LPXN: variants seen among roughly 807,000 people sequenced by gnomAD.
The protein encoded by LPXN is leupaxin.
Under a neutral mutation model 45.6 loss-of-function variants are expected in LPXN, and 28 were observed. The ratio of observed to expected loss-of-function variants is 0.61; its 90% confidence interval spans 0.45 to 0.84. LPXN has a LOEUF of 0.84. Among genes scored for constraint, LPXN ranks in the 40% least tolerant of loss-of-function variants. The pLI is 0.00. For missense variants in LPXN, 459 were observed against 475.0 expected (o/e 0.97, Z 0.31); for synonymous variants, 166 against 169.9 (o/e 0.98, Z 0.18).
At chr11:58,537,605 C>A (rs1026394792) in intron 7 of LPXN, among the ~76,000 whole-genome samples, 1 of 151,848 alleles carries the variant, frequency 6.6e-6, no homozygotes, top group East Asian at 2.0e-4. Context: ...CACGTGTATA[C>A]CTATGTAACA....
At chr11:58,546,367 G>T (rs1853875866) in intron 7 of LPXN, among the ~76,000 whole-genome samples, 1 of 151,256 alleles carries the variant, frequency 6.6e-6, no homozygotes, top group Non-Finnish European at 1.5e-5. Context: ...AAGATGCAAT[G>T]ATTATTTCTG....
upstream of LPXN, among the ~76,000 whole-genome samples, chr11:58,576,215 CAT>C (rs994214725): frequency 9.2e-5 from 14 of 151,698 alleles, no homozygotes; most frequent in Admixed American, 3.9e-4. Flanking sequence ...GACACAGAGG[CAT>C]AGTCTCCTTC....
At chr11:58,577,852 TCCCAA>T, upstream of LPXN, 1 of 680,684 alleles carries the variant, frequency 1.5e-6, no homozygotes. Context: ...CTCCTTGGTG[TCCCAA>T]CAAGGTCTAG....
chr11:58,577,979 C>A, upstream of LPXN: 1 of 1,548,608 alleles, frequency 6.5e-7, no homozygotes, highest in South Asian at 1.2e-5. Context: ...CAGATTTAGT[C>A]GCTGACCTCT....
intron 7 of LPXN, among the ~76,000 whole-genome samples, chr11:58,534,749 G>A (rs1186341404): frequency 6.6e-6 from 1 of 151,858 alleles, no homozygotes; most frequent in African/African-American, 2.4e-5. Flanking sequence ...TTTTTGAAAT[G>A]ATCAACAAAA....
intron 2 of LPXN, among the ~76,000 whole-genome samples, chr11:58,564,608 G>A (rs1854475045): frequency 6.6e-6 from 1 of 152,142 alleles, no homozygotes. Flanking sequence ...TCTAAAAGAT[G>A]GTTGGCTGGC....
intron 7 of LPXN, among the ~76,000 whole-genome samples, chr11:58,545,194 C>A (rs976962974): frequency 6.6e-6 from 1 of 152,122 alleles, no homozygotes; most frequent in African/African-American, 2.4e-5. Context: ...TTATATAAAG[C>A]CATAAATGAC....
At chr11:58,559,803 G>A (rs895807920) in intron 3 of LPXN, among the ~76,000 whole-genome samples, 4 of 152,146 alleles carry the variant, frequency 2.6e-5, no homozygotes, top group Non-Finnish European at 5.9e-5. Flanking sequence ...TTGAGCCCAG[G>A]AGGTCAAGGC....
chr11:58,540,076 C>T lies in LPXN; in HGVS notation c.742+9710G>A, dbSNP rs529891882. On this transcript the variant is annotated intron_variant, in intron 7 of 8. Transcript: ENST00000395074. ...CCCACCACCTGAAACCTATTCTTGT[C>T]ATCCAGACCCCCGAAAACTGAACCT... Among the ~76,000 whole-genome samples, 30 of 152,166 alleles carry T rather than the reference C, an allele frequency of 2.0e-4. No homozygotes were observed. The East Asian group carries it at 3.7e-3, about 19-fold the overall frequency.
chr11:58,564,516 C>T (rs909563498), intron 2 of LPXN, among the ~76,000 whole-genome samples: 5 of 152,168 alleles, frequency 3.3e-5, no homozygotes, highest in African/African-American at 1.2e-4. Context: ...CAGAGCTAAG[C>T]CCCTTTAACT....
chr11:58,549,823 G>A lies in LPXN; in HGVS notation c.705C>T (p.Phe235=), dbSNP rs150957674. ...AMNQTWHPEH[F]FCSHCGEVFG... ...ACACCTCTCCGCAGTGAGAGCAGAA[G>A]AAGTGCTCTGGGTGCCAGGTCTGGT... The change falls in exon 7 of 9, where the codon TTC becomes TTT. Residue 235 remains phenylalanine, a synonymous_variant. Coordinates refer to ENST00000395074, the MANE Select transcript of LPXN (RefSeq NM_004811.3). The A allele has an allele frequency of 4.3e-6, 7 of 1,614,078 alleles. No homozygotes were observed. The highest frequency in any genetic ancestry group is 1.3e-5 in the African/African-American group (1 of 74,938).
At chr11:58,532,162 G>A (rs1049710048) in intron 7 of LPXN, among the ~76,000 whole-genome samples, 32 of 152,218 alleles carry the variant, frequency 2.1e-4, no homozygotes, top group African/African-American at 7.5e-4. Context: ...TCGAATTCTT[G>A]CCAGGCCTCA....
rs771841878 is a variant in LPXN at position 58,528,132 on chromosome 11, G to A, written c.802C>T (p.Pro268Ser). Residue 268 changes from proline (P) to serine (S), a missense_variant, in exon 8 of 9, where the codon CCC (proline) becomes TCC (serine). By Grantham distance (74) the Pro-to-Ser change is moderately conservative. Transcript: ENST00000395074. ...GGGCGATTGCAGCCACCACACTTGG[G>A]TGAGAACATGGCTAAGAAATCCTTT... ...CRKDFLAMFS[P>S]KCGGCNRPVL... 5.0e-6 allele frequency: 8 copies of A among 1,614,206 alleles called. No individual in the cohort carries two copies. The South Asian group carries it at 6.6e-5, about 13-fold the overall frequency.
In LPXN at chr11:58,570,572, T is replaced by C. The variant is rs762056520; in HGVS notation, c.155A>G (p.Asn52Ser). ...AAAATTTACCGGCAAGGGACTTGTG[T>C]TATCCTGAATAGAAAGGATCTCCGA... ...ETSEILSIQDNTSPLPAQLVY... is the reference protein window; with the variant it reads ...ETSEILSIQDSTSPLPAQLVY... The change falls in exon 2 of 9, where the codon AAC becomes AGC. Residue 52 changes from asparagine to serine, a missense_variant. Transcript: ENST00000395074. 20 of 1,612,130 alleles carry C rather than the reference T, an allele frequency of 1.2e-5. No individual in the cohort carries two copies. Among genetic ancestry groups the C allele is most frequent in the Middle Eastern group, 1.9e-4 (1 of 5,376 alleles).
chr11:58,533,328 T>C (rs763236538), intron 7 of LPXN, among the ~76,000 whole-genome samples: 7 of 152,204 alleles, frequency 4.6e-5, no homozygotes, highest in Non-Finnish European at 7.4e-5. Context: ...GCGGATCTCT[T>C]GGCAGAAACT....
intron 3 of LPXN, among the ~76,000 whole-genome samples, chr11:58,558,875 C>T (rs1197631876): frequency 6.6e-6 from 1 of 150,862 alleles, no homozygotes; most frequent in Non-Finnish European, 1.5e-5. Flanking sequence ...GAAGGTTTTC[C>T]TAAGATGGAC....
In LPXN at chr11:58,554,848, T is replaced by G; in HGVS notation, c.311A>C (p.Gln104Pro). ...ACCTTGGCCTGCACTCACCTTGGCC[T>G]GCATCTCAGTCAGGTGAGCCATGAG... ...DELMAHLTEM[Q>P]AKVAVRADAG... The change falls in exon 4 of 9, where the codon CAG (glutamine) becomes CCG (proline). Residue 104 changes from glutamine to proline, a missense_variant. Transcript: ENST00000395074. 2 of 1,613,062 alleles carry G rather than the reference T, an allele frequency of 1.2e-6. No individual in the cohort carries two copies. The highest frequency in any genetic ancestry group is 1.7e-6 in the Non-Finnish European group (2 of 1,179,422).
At chr11:58,536,309 G>C (rs1853551486) in intron 7 of LPXN, among the ~76,000 whole-genome samples, 1 of 152,160 alleles carries the variant, frequency 6.6e-6, no homozygotes, top group Admixed American at 6.5e-5. Context: ...TACCAAAACA[G>C]ATATATAGAT....
chr11:58,577,247 T>TA (rs1854922186), upstream of LPXN, among the ~76,000 whole-genome samples: 1 of 152,180 alleles, frequency 6.6e-6, no homozygotes, highest in Admixed American at 6.5e-5. Flanking sequence ...AACTCAATCT[T>TA]AAAAAATTTC....
Sources: gnomAD v4.1 joint callset for allele counts (sites outside exome capture counted in the v4.1 genomes callset) on GRCh38, gnomAD v4.1.1 for gene constraint, MANE v1.5 for transcripts, NCBI Gene and HGNC (gene_info 2026-07-23, HGNC 2026-07-21) for gene names.